The following C4orf51 variants were observed in gnomAD, a reference collection of about 807,000 sequenced individuals.
The protein encoded by C4orf51 is uncharacterized protein C4orf51.
C4orf51 carries 25 observed loss-of-function variants against 25.2 expected under a neutral mutation model. The observed-to-expected ratio is 0.99, with a 90% confidence interval of 0.72 to 1.39. The LOEUF (loss-of-function observed/expected upper bound fraction) is 1.39. Ranked by LOEUF, C4orf51 falls within the 40% of genes most tolerant of loss-of-function variation. The pLI is 0.00. For missense variants in C4orf51, 252 were observed against 239.6 expected (o/e 1.05, Z -0.34); for synonymous variants, 100 against 84.5 (o/e 1.18, Z -1.01).
chr4:145,775,864 C>T, downstream of C4orf51: 4 of 1,614,200 alleles, frequency 2.5e-6, no homozygotes, highest in Non-Finnish European at 3.4e-6. Flanking sequence ...GGTGTCTGTA[C>T]TCACCAGCTT....
the C4orf51 span, among the ~76,000 whole-genome samples, chr4:145,787,407 A>G: frequency 6.8e-6 from 1 of 147,728 alleles, no homozygotes; most frequent in East Asian, 2.0e-4. Context: ...GATTGCAGTG[A>G]GCTGAGACCA....
chr4:145,724,800 C>T (rs536126208), intron 2 of C4orf51, among the ~76,000 whole-genome samples: 1 of 147,102 alleles, frequency 6.8e-6, no homozygotes, highest in Admixed American at 6.9e-5. Context: ...AGGAGGATCC[C>T]TTGAGCCTGG....
Position 145,765,161 on chromosome 4 carries a change from G to T in C4orf51, n.167-5827G>T. The T allele has an allele frequency of 6.2e-7, 1 of 1,606,234 alleles. No individual in the cohort carries two copies. Among genetic ancestry groups the T allele is most frequent in the South Asian group, 1.1e-5 (1 of 88,952 alleles). ...AGACAAAGTTGCAAAAAACACATTC[G>T]AACCCTGCAAGGACCGAAGCTGGGT... On this transcript the variant is annotated intron_variant and non_coding_transcript_variant, in intron 1 of 1. Transcript: ENST00000510096. The surrounding 1 kb of genome is among the most constrained non-coding windows in gnomAD (Gnocchi z 4.7).
At chr4:145,776,507 A>G in the C4orf51 span, among the ~76,000 whole-genome samples, 1 of 152,112 alleles carries the variant, frequency 6.6e-6, no homozygotes, top group East Asian at 1.9e-4. Context: ...TAGAATAGAT[A>G]ACCTGCTTTT....
chr4:145,755,399 C>A (rs182414349), downstream of C4orf51, among the ~76,000 whole-genome samples: 5 of 152,310 alleles, frequency 3.3e-5, no homozygotes, highest in African/African-American at 1.2e-4. Context: ...AGATTCTCTG[C>A]TCCAGGTTTA....
chr4:145,694,327 C>T (rs1218955488), intron 1 of C4orf51, among the ~76,000 whole-genome samples: 3 of 147,602 alleles, frequency 2.0e-5, no homozygotes, highest in Admixed American at 6.7e-5. Context: ...AGACGATGGG[C>T]AGCCAGGCAG....
chr4:145,746,726 A>AT lies in C4orf51; in HGVS notation n.168-7471dup, dbSNP rs528460777. Among the ~76,000 whole-genome samples the AT allele has an allele frequency of 1.8e-4, 27 of 150,286 alleles. 1 individual carries two copies. The highest frequency in any genetic ancestry group is 1.4e-3 in the East Asian group (7 of 5,128). ...TTTGTGGTTCTATATACACTTTAGA[A>AT]TTTTTTTTTTCTATTTCTTTGAAGA... On this transcript the variant is annotated intron_variant and non_coding_transcript_variant, in intron 1 of 1. Coordinates refer to the C4orf51 transcript ENST00000508981.
chr4:145,749,936 C>T (rs1733581656), intron 1 of C4orf51, among the ~76,000 whole-genome samples: 1 of 152,108 alleles, frequency 6.6e-6, no homozygotes, highest in African/African-American at 2.4e-5. Flanking sequence ...GCCCGTCCAT[C>T]ACCCATTATT....
chr4:145,700,895 A>G (rs1248637755), intron 2 of C4orf51, among the ~76,000 whole-genome samples: 2 of 152,192 alleles, frequency 1.3e-5, no homozygotes, highest in South Asian at 2.1e-4. Context: ...TTACGGTTTA[A>G]TTCCATGACT....
chr4:145,683,227 A>C (rs1403299371), intron 1 of C4orf51, among the ~76,000 whole-genome samples: 1 of 152,182 alleles, frequency 6.6e-6, no homozygotes, highest in Middle Eastern at 3.2e-3. Context: ...AGGAAAACTA[A>C]AAAATTCTGA....
chr4:145,786,180 A>C, the C4orf51 span, among the ~76,000 whole-genome samples: 3 of 152,214 alleles, frequency 2.0e-5, no homozygotes, highest in African/African-American at 4.8e-5. Flanking sequence ...AAAAGACTTT[A>C]GTTTGTTTCC....
rs1728979099 is a variant in C4orf51 at position 145,683,839 on chromosome 4, G to A, written c.233+3403G>A. ...CTTAAATGACTTTGGGTATGGCAAT[G>A]GCAATGATATTTTAGATACAACACC... On this transcript the variant is annotated intron_variant, in intron 1 of 5. Transcript: ENST00000438731. 2.0e-5 allele frequency among the ~76,000 whole-genome samples: 3 copies of A among 152,212 alleles called. No homozygotes were observed. In the South Asian group the frequency reaches 6.2e-4, roughly 32 times the overall value.
downstream of C4orf51, among the ~76,000 whole-genome samples, chr4:145,733,067 G>A (rs1310604644): frequency 6.6e-6 from 1 of 152,146 alleles, no homozygotes; most frequent in Non-Finnish European, 1.5e-5. Context: ...CGGCGGGCTC[G>A]CGAGCTCAGG....
chr4:145,754,200 G>A, intron 1 of C4orf51: 1 of 152,190 alleles, frequency 6.6e-6, no homozygotes. Context: ...TCTACCTTTT[G>A]TTGTAGCAAC....
At chr4:145,773,371 C>T (rs546049588), downstream of C4orf51, among the ~76,000 whole-genome samples, 2 of 152,294 alleles carry the variant, frequency 1.3e-5, no homozygotes, top group African/African-American at 4.8e-5. Flanking sequence ...TTACTGTTGG[C>T]ACCACTGAGC....
chr4:145,747,391 T>TG (rs1733428173), intron 1 of C4orf51, among the ~76,000 whole-genome samples: 1 of 52,528 alleles, frequency 1.9e-5, no homozygotes, highest in South Asian at 4.5e-4. Context: ...TTTTTTGAGG[T>TG]TTTTTTTTTT....
At chr4:145,687,250 C>G (rs527925325) in intron 1 of C4orf51, among the ~76,000 whole-genome samples, 247 of 152,280 alleles carry the variant, frequency 1.6e-3, no homozygotes, top group African/African-American at 5.7e-3. Context: ...GAAGTTCCCT[C>G]CCCTCTTTGA....
At chr4:145,736,116 C>T (rs1019202762), downstream of C4orf51, among the ~76,000 whole-genome samples, 2 of 152,038 alleles carry the variant, frequency 1.3e-5, no homozygotes, top group Non-Finnish European at 2.9e-5. Flanking sequence ...GGTTTGAACC[C>T]TAATGACAAG....
At chr4:145,729,814 G>A in intron 4 of C4orf51, 78 bp from the exon 5 acceptor site, 1 of 1,203,240 alleles carries the variant, frequency 8.3e-7, no homozygotes, top group Non-Finnish European at 1.2e-6. Flanking sequence ...AACAAGGTTT[G>A]GGAATGTCAG....
Sources: gnomAD v4.1 joint callset for allele counts (sites outside exome capture counted in the v4.1 genomes callset) on GRCh38, gnomAD v4.1.1 for gene constraint, Gnocchi (gnomAD v3.1) non-coding constraint, MANE v1.5 for transcripts, NCBI Gene and HGNC (gene_info 2026-07-23, HGNC 2026-07-21) for gene names.